NFKB1: variants seen among roughly 807,000 people sequenced by gnomAD.
NFKB1 encodes nuclear factor kappa B subunit 1.
Under a neutral mutation model 105.1 loss-of-function variants are expected in NFKB1, and 9 were observed. The ratio of observed to expected loss-of-function variants is 0.09; its 90% confidence interval spans 0.05 to 0.15. The LOEUF (loss-of-function observed/expected upper bound fraction) is 0.15, where lower values mean the gene tolerates loss of function less well. Among genes scored for constraint, NFKB1 ranks in the 10% least tolerant of loss-of-function variants. The pLI is 1.00. For missense variants in NFKB1, 830 were observed against 1,203.7 expected (o/e 0.69, Z 4.59); for synonymous variants, 440 against 442.2 (o/e 1.00, Z 0.06).
chr4:102,573,591 T>G (rs1488106254), intron 6 of NFKB1, among the ~76,000 whole-genome samples: 2 of 152,162 alleles, frequency 1.3e-5, no homozygotes, highest in African/African-American at 4.8e-5. Context: ...ATTTAGTACG[T>G]TTTAAAACTT....
At chr4:102,597,864 T>G (rs747645600) in intron 15 of NFKB1, among the ~76,000 whole-genome samples, 1 of 152,220 alleles carries the variant, frequency 6.6e-6, no homozygotes, top group Non-Finnish European at 1.5e-5. Flanking sequence ...TTGGAATCTG[T>G]AGTAGCTGGA....
intron 5 of NFKB1, among the ~76,000 whole-genome samples, chr4:102,540,992 G>A (rs561168346): frequency 2.3e-4 from 35 of 152,182 alleles, no homozygotes; most frequent in South Asian, 1.0e-3. Flanking sequence ...GCACCTGCTC[G>A]GCGAGAGACT....
chr4:102,584,640 AAT>A (rs1350053028), intron 10 of NFKB1, 40 bp from the exon 11 acceptor site: 4 of 1,518,930 alleles, frequency 2.6e-6, no homozygotes, highest in Non-Finnish European at 2.6e-6. Context: ...AAAAAAAAAA[AAT>A]GTAGTCCTAC....
chr4:102,578,541 G>A (rs1247805648), intron 7 of NFKB1: 1 of 354,366 alleles, frequency 2.8e-6, no homozygotes, highest in Non-Finnish European at 5.1e-6. Context: ...GCCTAGTAGG[G>A]TTATTCAATT....
chr4:102,602,232 C>A (rs1247717719), intron 16 of NFKB1, among the ~76,000 whole-genome samples: 1 of 151,978 alleles, frequency 6.6e-6, no homozygotes, highest in African/African-American at 2.4e-5. Context: ...TATTTCCATT[C>A]TTTAAAATGT....
intron 5 of NFKB1, among the ~76,000 whole-genome samples, chr4:102,556,716 CT>C (rs563870090): frequency 1.5e-3 from 221 of 152,226 alleles, no homozygotes; most frequent in African/African-American, 4.4e-3. Flanking sequence ...TTCTTATGTA[CT>C]TTGTAGGGAG....
intron 8 of NFKB1, among the ~76,000 whole-genome samples, chr4:102,580,250 A>G (rs1410670489): frequency 6.6e-6 from 1 of 152,198 alleles, no homozygotes; most frequent in Non-Finnish European, 1.5e-5. Context: ...TTCCCAATAC[A>G]TCAGAAAAGC....
intron 1 of NFKB1, among the ~76,000 whole-genome samples, chr4:102,524,949 G>A (rs927492565): frequency 6.6e-6 from 1 of 152,148 alleles, no homozygotes; most frequent in Non-Finnish European, 1.5e-5. Flanking sequence ...TTTGTGCTGC[G>A]TTATCCATAG....
rs775373260 is a variant in NFKB1, at chr4:102,607,326, G to A, written c.2124+7G>A. Reference sequence around the variant, plus strand: ...AGGCTGCCTGCTCCTGGAGGTGAAGGGCACACTTATTTGCTTTTGCATTAA... The same window carrying A: ...AGGCTGCCTGCTCCTGGAGGTGAAGAGCACACTTATTTGCTTTTGCATTAA... On this transcript the variant is annotated splice_region_variant and intron_variant, in intron 18 of 23. Transcript: ENST00000226574. The A allele has an allele frequency of 1.9e-6, 3 of 1,607,364 alleles. No homozygotes were observed. The highest frequency in any genetic ancestry group is 4.5e-5 in the East Asian group (2 of 44,746).
At chr4:102,572,189 G>T (rs569000942) in intron 6 of NFKB1, among the ~76,000 whole-genome samples, 14 of 152,186 alleles carry the variant, frequency 9.2e-5, no homozygotes, top group African/African-American at 2.9e-4. Flanking sequence ...TTGTAGGGAC[G>T]TGGGTGAAGC....
chr4:102,501,926 A>C (rs1321643308), intron 1 of NFKB1, 138 bp downstream of exon 1: 1 of 152,234 alleles, frequency 6.6e-6, no homozygotes, highest in African/African-American at 2.4e-5. Context: ...CCGTGGGAGG[A>C]GGTTGACAGT....
chr4:102,531,856 A>G (rs547482111), intron 3 of NFKB1, among the ~76,000 whole-genome samples: 84 of 152,346 alleles, frequency 5.5e-4, no homozygotes, highest in African/African-American at 1.9e-3. Flanking sequence ...AGAGACTTGA[A>G]GTTTAATGTA....
intron 23 of NFKB1, among the ~76,000 whole-genome samples, chr4:102,615,818 T>C (rs2149236685): frequency 6.6e-6 from 1 of 152,378 alleles, no homozygotes; most frequent in South Asian, 2.1e-4. Flanking sequence ...TTGATTAGTG[T>C]ATGTTAGACT....
intron 1 of NFKB1, among the ~76,000 whole-genome samples, chr4:102,515,311 C>T (rs1420095781): frequency 2.0e-5 from 3 of 150,696 alleles, no homozygotes; most frequent in Non-Finnish European, 4.4e-5. Flanking sequence ...GGGGTTTCAC[C>T]GTTTTAGCCG....
Position 102,616,657 on chromosome 4 carries a change from A to G in NFKB1, c.*63A>G, listed in dbSNP as rs1005479871. On this transcript the variant is annotated 3_prime_UTR_variant, in exon 24 of 24. Coordinates refer to ENST00000226574, the MANE Select transcript of NFKB1 (RefSeq NM_003998.4). ...CTAAAATTCCACTGCGTTGTCCACAAGACAGAAGCTGAAGTGCATCCAAAG... is the reference window on the plus strand; with the variant it reads ...CTAAAATTCCACTGCGTTGTCCACAGGACAGAAGCTGAAGTGCATCCAAAG... 7.4e-5 allele frequency: 115 copies of G among 1,555,122 alleles called. No individual in the cohort carries two copies. Among genetic ancestry groups the G allele is most frequent in the Non-Finnish European group, 9.8e-5 (112 of 1,141,736 alleles).
intron 2 of NFKB1, among the ~76,000 whole-genome samples, chr4:102,528,136 C>G (rs893677906): frequency 6.6e-6 from 1 of 152,144 alleles, no homozygotes; most frequent in African/African-American, 2.4e-5. Context: ...CACAACTTCT[C>G]TCTTAGTCTG....
At chr4:102,604,123 C>T (rs1382870243) in intron 16 of NFKB1, among the ~76,000 whole-genome samples, 1 of 152,066 alleles carries the variant, frequency 6.6e-6, no homozygotes, top group Non-Finnish European at 1.5e-5. Context: ...CCTGACAATG[C>T]CCAGGTCTGC....
intron 5 of NFKB1, among the ~76,000 whole-genome samples, chr4:102,551,361 T>TGCGC (rs1198296413): frequency 1.3e-5 from 1 of 75,318 alleles, no homozygotes; most frequent in Non-Finnish European, 2.7e-5. Flanking sequence ...TGTGTGTGTG[T>TGCGC]GTGTGTGCGC....
intron 16 of NFKB1, among the ~76,000 whole-genome samples, chr4:102,602,035 T>C (rs1202070556): frequency 6.6e-6 from 1 of 152,186 alleles, no homozygotes; most frequent in African/African-American, 2.4e-5. Flanking sequence ...TCCAAAACTA[T>C]GGCCAAAATC....
Sources: allele counts gnomAD v4.1 joint callset (sites outside exome capture counted in the v4.1 genomes callset), GRCh38; gene constraint gnomAD v4.1.1; transcripts MANE v1.5; gene names NCBI Gene and HGNC (gene_info 2026-07-23, HGNC 2026-07-21).